RNF212B: variants seen among roughly 807,000 people sequenced by gnomAD.
The protein encoded by RNF212B is E3 ubiquitin-protein ligase RNF212B.
In RNF212B, 52 loss-of-function variants were observed where a neutral mutation model predicts 55.5. The ratio of observed to expected loss-of-function variants is 0.94; its 90% confidence interval spans 0.75 to 1.18. RNF212B has a LOEUF of 1.18. Ranked by LOEUF, RNF212B falls within the 50% of genes most tolerant of loss-of-function variation. The pLI is 0.00. For missense variants in RNF212B, 289 were observed against 350.4 expected, an observed-to-expected ratio of 0.82 and a Z score of 1.40; for synonymous variants, 99 against 121.4, an observed-to-expected ratio of 0.82 and a Z score of 1.21.
rs1256106829 is a variant in RNF212B, at chr14:23,214,128, A to G, written c.-2+20727A>G. ...TCTGTATCTTTTTTAAAAAAGCTTC[A>G]ATAAACAATTACAAAAACACTTATA... is the stretch of plus-strand genomic sequence containing the variant. On this transcript the variant is annotated intron_variant, in intron 2 of 15. Coordinates refer to the RNF212B transcript ENST00000399910. 4.6e-5 allele frequency among the ~76,000 whole-genome samples: 7 copies of G among 152,340 alleles called. No individual in the cohort carries two copies. In the East Asian group the frequency reaches 1.3e-3, roughly 29 times the overall value.
At chr14:23,185,346 G>A (rs548720170) in exon 1 of RNF212B, 12 of 152,150 alleles carry the variant, frequency 7.9e-5, no homozygotes, top group South Asian at 2.1e-4. Flanking sequence ...AAAAAATGTC[G>A]AATTTGCCTC....
intron 2 of RNF212B, among the ~76,000 whole-genome samples, chr14:23,221,871 G>C (rs1881605545): frequency 6.6e-6 from 1 of 152,118 alleles, no homozygotes; most frequent in African/African-American, 2.4e-5. Flanking sequence ...AAATTAAACA[G>C]TATGCTTCTG....
intron 2 of RNF212B, among the ~76,000 whole-genome samples, chr14:23,232,357 C>T (rs1882713510): frequency 1.3e-5 from 2 of 151,594 alleles, no homozygotes; most frequent in African/African-American, 4.8e-5. Context: ...TGAGGAGCCC[C>T]TCCACCTGGC....
intron 1 of RNF212B, among the ~76,000 whole-genome samples, chr14:23,186,018 T>A (rs1877556531): frequency 6.6e-6 from 1 of 152,144 alleles, no homozygotes; most frequent in Non-Finnish European, 1.5e-5. Context: ...GAGGATCGTG[T>A]GAGCCATGGA....
chr14:23,216,515 T>C (rs1313517180), intron 2 of RNF212B, among the ~76,000 whole-genome samples: 1 of 150,248 alleles, frequency 6.7e-6, no homozygotes. Flanking sequence ...CAGAACAGAT[T>C]AAAAAACAAA....
Position 23,243,332 on chromosome 14 carries a change from A to T in RNF212B, c.153+24A>T, listed in dbSNP as rs370391535. 1.5e-4 allele frequency: 237 copies of T among 1,535,264 alleles called. 1 individual carries two copies. In the East Asian group the frequency reaches 4.2e-3, roughly 27 times the overall value. ...ATGTAAGTTTTTCTCCCCCTGCCAC[A>T]AACTGTCTCATCCCATTCCTGGCCT... On this transcript the variant is annotated intron_variant, in intron 3 of 14. Coordinates refer to ENST00000430154, the MANE Select transcript of RNF212B (RefSeq NM_001282322.3).
chr14:23,243,233 A>G (rs925254373), intron 2 of RNF212B, 23 bp from the exon 3 acceptor site: 2 of 1,544,020 alleles, frequency 1.3e-6, no homozygotes, highest in African/African-American at 2.8e-5. Flanking sequence ...AGAGCCAAAT[A>G]TTTTTTTCCC....
At chr14:23,257,131 C>A (rs947438364) in intron 4 of RNF212B, among the ~76,000 whole-genome samples, 22 of 151,224 alleles carry the variant, frequency 1.5e-4, no homozygotes, top group Non-Finnish European at 3.1e-4. Context: ...CCAGCCTGGG[C>A]GACAGAGCGA....
At chr14:23,216,681 A>C (rs894372322) in intron 2 of RNF212B, among the ~76,000 whole-genome samples, 1 of 151,906 alleles carries the variant, frequency 6.6e-6, no homozygotes, top group Admixed American at 6.6e-5. Context: ...GGAGTTCAAG[A>C]CAAGCTTGGG....
chr14:23,228,612 G>A (rs111944897), intron 2 of RNF212B, among the ~76,000 whole-genome samples: 91 of 149,268 alleles, frequency 6.1e-4, no homozygotes, highest in African/African-American at 1.0e-3. Flanking sequence ...TCACATTAAC[G>A]CAATCCAGCC....
At chr14:23,232,016 G>C (rs1006461005) in intron 2 of RNF212B, among the ~76,000 whole-genome samples, 1 of 152,228 alleles carries the variant, frequency 6.6e-6, no homozygotes, top group African/African-American at 2.4e-5. Flanking sequence ...CCAGCCGCCT[G>C]CCTTGGCCTC....
At chr14:23,225,942 C>T (rs1444778416) in intron 2 of RNF212B, among the ~76,000 whole-genome samples, 1 of 152,130 alleles carries the variant, frequency 6.6e-6, no homozygotes, top group African/African-American at 2.4e-5. Flanking sequence ...TGCAAAATAT[C>T]TCATGTACCC....
chr14:23,269,166 C>T (rs945438299), intron 12 of RNF212B, among the ~76,000 whole-genome samples: 8 of 152,064 alleles, frequency 5.3e-5, no homozygotes, highest in African/African-American at 1.9e-4. Flanking sequence ...TAGCCGGGAG[C>T]GGTGTCACGT....
intron 8 of RNF212B, 97 bp from the exon 9 acceptor site, chr14:23,262,831 C>T (rs1018544829): frequency 6.9e-7 from 1 of 1,451,458 alleles, no homozygotes; most frequent in African/African-American, 1.4e-5. Context: ...AATATGAAAA[C>T]ATTATATAAC....
At chr14:23,186,939 G>GT (rs1877655775) in intron 1 of RNF212B, among the ~76,000 whole-genome samples, 1 of 152,198 alleles carries the variant, frequency 6.6e-6, no homozygotes, top group Non-Finnish European at 1.5e-5. Flanking sequence ...GAAACTCTGT[G>GT]TTTTTGCTTT....
At chr14:23,206,772 A>C (rs1879878090) in intron 2 of RNF212B, among the ~76,000 whole-genome samples, 2 of 152,216 alleles carry the variant, frequency 1.3e-5, no homozygotes, top group Admixed American at 1.3e-4. Context: ...TTAAACATAA[A>C]ATTAAACTAT....
At chr14:23,255,837 C>T (rs762572978) in intron 4 of RNF212B, among the ~76,000 whole-genome samples, 3 of 152,190 alleles carry the variant, frequency 2.0e-5, no homozygotes, top group Non-Finnish European at 4.4e-5. Flanking sequence ...TTTTAAAGTA[C>T]TGTACTGAGG....
At chr14:23,205,005 T>G (rs79134746) in intron 2 of RNF212B, among the ~76,000 whole-genome samples, 23,959 of 152,164 alleles carry the variant, frequency 0.16, 2,294 homozygotes, top group South Asian at 0.32. Context: ...TAACTCAGTT[T>G]TTTTCCTAAG....
intron 2 of RNF212B, among the ~76,000 whole-genome samples, chr14:23,232,530 C>T (rs1185047622): frequency 6.6e-6 from 1 of 151,994 alleles, no homozygotes; most frequent in Non-Finnish European, 1.5e-5. Context: ...TGCCCAGCAG[C>T]CACCCCTCTG....
Sources: gnomAD v4.1 joint callset for allele counts (sites outside exome capture counted in the v4.1 genomes callset) on GRCh38, gnomAD v4.1.1 for gene constraint, MANE v1.5 for transcripts, NCBI Gene and HGNC (gene_info 2026-07-23, HGNC 2026-07-21) for gene names.